Variants in CNIH1 observed in about 807,000 individuals in gnomAD.
CNIH1 encodes cornichon family member 1.
A neutral mutation model predicts 20.2 loss-of-function variants in CNIH1; 12 were observed. That is an observed-to-expected ratio of 0.59 (90% CI 0.38 to 0.96). CNIH1 has a LOEUF of 0.96. Among genes scored for constraint, CNIH1 ranks in the 40% least tolerant of loss-of-function variants. CNIH1 has a pLI of 0.00. For missense variants in CNIH1, 152 were observed against 178.8 expected (o/e 0.85, Z 0.85); for synonymous variants, 69 against 63.3 (o/e 1.09, Z -0.43).
intron 4 of CNIH1, among the ~76,000 whole-genome samples, chr14:54,429,255 C>A (rs2030884941): frequency 6.6e-6 from 1 of 152,212 alleles, no homozygotes; most frequent in African/African-American, 2.4e-5. Flanking sequence ...CTCAGGACAT[C>A]TGGCAATGTC....
chr14:54,429,881 TAAGGA>T (rs938660678), intron 4 of CNIH1, among the ~76,000 whole-genome samples: 23 of 152,160 alleles, frequency 1.5e-4, no homozygotes, highest in African/African-American at 5.3e-4. Context: ...TGAAGAATGA[TAAGGA>T]AAAAATGAAA....
intron 1 of CNIH1, 120 bp downstream of exon 1, chr14:54,441,104 CCCTCGCCGCGCGGCCCGTGCCAG>C (rs1284247908): frequency 5.8e-6 from 5 of 864,456 alleles, no homozygotes; most frequent in Non-Finnish European, 6.0e-6. Flanking sequence ...GCCCCCAGAC[CCCTCGCCGCGCGGCCCGTGCCAG>C]CCGGGCCGCA....
chr14:54,435,979 G>A (rs1432436534), intron 2 of CNIH1: 1 of 652,918 alleles, frequency 1.5e-6, no homozygotes, highest in African/African-American at 1.8e-5. Context: ...ACAGGCATAT[G>A]AACGAGCACA....
intron 1 of CNIH1, chr14:54,436,829 G>A: frequency 4.6e-6 from 2 of 434,904 alleles, no homozygotes; most frequent in South Asian, 3.4e-5. Flanking sequence ...CTTTCTGCAG[G>A]CTTTCCTAAC....
At chr14:54,429,421 G>C (rs1293044425) in intron 4 of CNIH1, among the ~76,000 whole-genome samples, 1 of 152,206 alleles carries the variant, frequency 6.6e-6, no homozygotes, top group African/African-American at 2.4e-5. Flanking sequence ...CCGAAGCTGA[G>C]ACACCCTGAC....
chr14:54,440,066 T>C (rs1016515113), intron 1 of CNIH1, among the ~76,000 whole-genome samples: 1 of 152,240 alleles, frequency 6.6e-6, no homozygotes, highest in African/African-American at 2.4e-5. Context: ...CCTAAAATAA[T>C]TGTAAACATA....
In CNIH1 at chr14:54,424,542, A is replaced by G. The variant is rs1044944665; in HGVS notation, c.*3272T>C. On this transcript the variant is annotated 3_prime_UTR_variant, in exon 5 of 5. Transcript: ENST00000216416. ...ATACACGGAAGTCATTATTTGCACT[A>G]TGGCAATATTCCACGAACTCTATTC... is the stretch of plus-strand genomic sequence containing the variant. The G allele has an allele frequency of 6.6e-6, 1 of 152,252 alleles. No individual in the cohort carries two copies. Among genetic ancestry groups the G allele is most frequent in the African/African-American group, 2.4e-5 (1 of 41,472 alleles). The allele number at this position is 152,252 out of a possible 1,614,324, so 9.4% of individuals were successfully genotyped here.
intron 3 of CNIH1, among the ~76,000 whole-genome samples, chr14:54,431,162 T>C (rs1292458248): frequency 3.3e-5 from 5 of 151,330 alleles, no homozygotes; most frequent in Admixed American, 2.6e-4. Context: ...AGAGTCTTGC[T>C]CTGTTGCCCA....
rs540913573 is a variant in CNIH1 at position 54,438,852 on chromosome 14, A to G, written c.81+2395T>C. Among the ~76,000 whole-genome samples, 17 of 152,286 alleles carry G rather than the reference A, an allele frequency of 1.1e-4. No homozygotes were observed. The South Asian group carries it at 2.3e-3, about 20-fold the overall frequency. On this transcript the variant is annotated intron_variant, in intron 1 of 4. Transcript: ENST00000216416. ...GATCCCTCATGAATGGTTTGGTGTCATCTTGGAGGGAATAAGTGAGTTCTC... is the reference window on the plus strand; with the variant it reads ...GATCCCTCATGAATGGTTTGGTGTCGTCTTGGAGGGAATAAGTGAGTTCTC...
At chr14:54,427,932 T>TCTCTC in intron 4 of CNIH1, 91 bp from the exon 5 acceptor site, 1 of 1,190,590 alleles carries the variant, frequency 8.4e-7, no homozygotes, top group Non-Finnish European at 1.2e-6. Flanking sequence ...TATAGCAAAC[T>TCTCTC]AGTATCACAG....
intron 3 of CNIH1, among the ~76,000 whole-genome samples, chr14:54,431,749 G>A (rs1009917489): frequency 6.6e-6 from 1 of 152,128 alleles, no homozygotes; most frequent in Non-Finnish European, 1.5e-5. Flanking sequence ...GGTGTGGAGG[G>A]TAACTGACTT....
rs906147452 is a variant in CNIH1 at position 54,432,128 on chromosome 14, G to A, written c.243C>T (p.Leu81=). The change falls in exon 3 of 5, where the codon CTC becomes CTT. Residue 81 remains leucine, a synonymous_variant. Coordinates refer to ENST00000216416, the MANE Select transcript of CNIH1 (RefSeq NM_005776.3). ...ATTACCTCCAAATATGATATGCCAA[G>A]AGGGGCATATTGAGACCCAGTGTAA... ...EWLTLGLNMP[L]LAYHIWRYMS... The A allele has an allele frequency of 2.0e-6, 3 of 1,532,922 alleles. No homozygotes were observed. Among genetic ancestry groups the A allele is most frequent in the Non-Finnish European group, 2.6e-6 (3 of 1,136,672 alleles). 95.0% of individuals were successfully genotyped at this position (1,532,922 alleles called of 1,614,324 possible).
At chr14:54,429,729 T>C (rs2030896482) in intron 4 of CNIH1, among the ~76,000 whole-genome samples, 1 of 152,004 alleles carries the variant, frequency 6.6e-6, no homozygotes. Flanking sequence ...CACTGCACTC[T>C]AGCCTGGGCA....
Position 54,441,193 on chromosome 14 carries a change from GA to G in CNIH1, c.81+53del, listed in dbSNP as rs2031167520. On this transcript the variant is annotated intron_variant, in intron 1 of 4. Transcript: ENST00000216416. ...GCGGCCCGGACCGCGGGCCCGGGGCGAAAAGAGGCTGTGTTGCCGCCTCGCC... is the reference window on the plus strand; with the variant it reads ...GCGGCCCGGACCGCGGGCCCGGGGCGAAAGAGGCTGTGTTGCCGCCTCGCC... The G allele has an allele frequency of 4.1e-6, 6 of 1,452,490 alleles. No individual in the cohort carries two copies. The Admixed American group carries it at 1.2e-4, about 30-fold the overall frequency. The allele number at this position is 1,452,490 out of a possible 1,614,324, so 90.0% of individuals were successfully genotyped here. A position where few individuals can be genotyped will look rare whatever the true frequency, so the allele number is the denominator to read the frequency against.
chr14:54,429,897 CATA>C (rs1490221961), intron 4 of CNIH1, among the ~76,000 whole-genome samples: 3 of 152,182 alleles, frequency 2.0e-5, no homozygotes, highest in African/African-American at 7.2e-5. Context: ...AAAAATGAAA[CATA>C]ATGTCTGGAG....
intron 1 of CNIH1, 31 bp downstream of exon 1, chr14:54,441,216 C>G (rs897283455): frequency 2.0e-6 from 3 of 1,486,744 alleles, no homozygotes; most frequent in South Asian, 1.3e-5. Context: ...GTTGCCGCCT[C>G]GCCCTCCTTT....
rs115204094 is a variant in CNIH1, at chr14:54,428,350, G to A, written c.408-509C>T. On this transcript the variant is annotated intron_variant, in intron 4 of 4. Coordinates refer to ENST00000216416, the MANE Select transcript of CNIH1 (RefSeq NM_005776.3). Reference sequence around the variant, plus strand: ...TAAGCAATAGCAACTTTTAGGAAGTGGTTAAAAAAGAAAAGGGGGGAAAAC... The same window carrying A: ...TAAGCAATAGCAACTTTTAGGAAGTAGTTAAAAAAGAAAAGGGGGGAAAAC... Among the ~76,000 whole-genome samples the A allele has an allele frequency of 5.1e-3, 776 of 152,202 alleles. 10 individuals carry two copies. Among genetic ancestry groups the A allele is most frequent in the African/African-American group, 0.018 (747 of 41,524 alleles).
chr14:54,434,751 T>A (rs998515691), intron 2 of CNIH1, among the ~76,000 whole-genome samples: 1 of 152,208 alleles, frequency 6.6e-6, no homozygotes, highest in African/African-American at 2.4e-5. Flanking sequence ...AAATTTCAGT[T>A]TCTTCATTTC....
intron 1 of CNIH1, among the ~76,000 whole-genome samples, chr14:54,437,752 T>C (rs1208233966): frequency 1.3e-5 from 2 of 152,050 alleles, no homozygotes; most frequent in South Asian, 4.1e-4. Flanking sequence ...GTTAAAAACA[T>C]ACATGTGTAA....
Sources: gnomAD v4.1 joint callset for allele counts (sites outside exome capture counted in the v4.1 genomes callset) on GRCh38, gnomAD v4.1.1 for gene constraint, MANE v1.5 for transcripts, NCBI Gene and HGNC (gene_info 2026-07-23, HGNC 2026-07-21) for gene names.